The following GPC6 variants were observed in gnomAD, a reference collection of about 807,000 sequenced individuals.
GPC6 encodes the protein glypican 6.
A neutral mutation model predicts 55.2 loss-of-function variants in GPC6; 14 were observed. The observed-to-expected ratio is 0.25, with a 90% confidence interval of 0.17 to 0.40. GPC6 has a LOEUF of 0.40. GPC6 is among the 10% of genes least tolerant of loss of function. The pLI is 1.00. For synonymous variants in GPC6, 278 were observed against 259.6 expected, an observed-to-expected ratio of 1.07 and a Z score of -0.68; for missense variants, 641 against 708.5, an observed-to-expected ratio of 0.90 and a Z score of 1.08.
At chr13:93,488,092 T>A (rs554985492) in intron 1 of GPC6, among the ~76,000 whole-genome samples, 4 of 152,166 alleles carry the variant, frequency 2.6e-5, no homozygotes, top group Non-Finnish European at 5.9e-5. Flanking sequence ...TTACATTAGG[T>A]ATATCGCCTA....
intron 4 of GPC6, among the ~76,000 whole-genome samples, chr13:94,127,182 G>C (rs1200932299): frequency 2.0e-5 from 3 of 151,958 alleles, no homozygotes; most frequent in Non-Finnish European, 4.4e-5. Flanking sequence ...TTGAACCTAT[G>C]AAGGAGAGTT....
intron 1 of GPC6, among the ~76,000 whole-genome samples, chr13:93,388,327 A>T (rs1333771714): frequency 6.6e-6 from 1 of 152,176 alleles, no homozygotes; most frequent in Non-Finnish European, 1.5e-5. Flanking sequence ...GACCTGAAGC[A>T]TCTTTCTGGG....
chr13:93,738,957 ACACACACACACACACT>A (rs1884100639), intron 2 of GPC6, among the ~76,000 whole-genome samples: 1 of 151,456 alleles, frequency 6.6e-6, no homozygotes, highest in Non-Finnish European at 1.5e-5. Context: ...ACACACACAC[ACACACACACACACACT>A]CACACACATG....
intron 1 of GPC6, among the ~76,000 whole-genome samples, chr13:93,478,182 C>T (rs754894837): frequency 3.9e-5 from 6 of 152,028 alleles, no homozygotes; most frequent in East Asian, 3.9e-4. Context: ...TGCCCAGGCT[C>T]GGTGTTTTAA....
chr13:94,024,926 G>A (rs967989357), intron 3 of GPC6, among the ~76,000 whole-genome samples: 1 of 152,108 alleles, frequency 6.6e-6, no homozygotes, highest in Non-Finnish European at 1.5e-5. Context: ...GATTCAATAA[G>A]CACTTAACAA....
intron 1 of GPC6, among the ~76,000 whole-genome samples, chr13:93,319,535 T>C (rs1318604707): frequency 1.3e-5 from 2 of 151,998 alleles, no homozygotes; most frequent in Non-Finnish European, 2.9e-5. Context: ...AACTAAAACT[T>C]TGGAAGCAGG....
chr13:93,841,705 C>A (rs985616262), intron 3 of GPC6, among the ~76,000 whole-genome samples: 3 of 152,136 alleles, frequency 2.0e-5, no homozygotes. Flanking sequence ...CTTGCATACA[C>A]AGAATTTTTT....
intron 2 of GPC6, among the ~76,000 whole-genome samples, chr13:93,756,762 T>C (rs1884784087): frequency 6.6e-6 from 1 of 152,162 alleles, no homozygotes; most frequent in African/African-American, 2.4e-5. Flanking sequence ...TTCCCAATCT[T>C]TTCAGCTATA....
At chr13:93,420,717 G>T (rs755642538) in intron 1 of GPC6, among the ~76,000 whole-genome samples, 2 of 152,098 alleles carry the variant, frequency 1.3e-5, no homozygotes, top group Non-Finnish European at 2.9e-5. Context: ...AAAATATACT[G>T]GTTCAGTTAT....
chr13:93,239,849 G>GA (rs2139013698), intron 1 of GPC6, among the ~76,000 whole-genome samples: 1 of 151,808 alleles, frequency 6.6e-6, no homozygotes, highest in African/African-American at 2.4e-5. Context: ...CATTCATTTT[G>GA]AAAAAATTAT....
intron 1 of GPC6, among the ~76,000 whole-genome samples, chr13:93,512,655 A>G (rs1331165270): frequency 1.3e-5 from 2 of 152,064 alleles, no homozygotes; most frequent in African/African-American, 4.8e-5. Context: ...ATTGGTTATC[A>G]GGGTGATGCT....
Position 94,103,232 on chromosome 13 carries a change from C to A in GPC6, c.877+75338C>A, listed in dbSNP as rs185478695. Among the ~76,000 whole-genome samples, 611 of 152,270 alleles carry A rather than the reference C, an allele frequency of 4.0e-3. 3 individuals are homozygous for A. Among genetic ancestry groups the A allele is most frequent in the Middle Eastern group, 0.017 (5 of 292 alleles). On this transcript the variant is annotated intron_variant, in intron 4 of 8. Coordinates refer to ENST00000377047, the MANE Select transcript of GPC6 (RefSeq NM_005708.5). The stretch of plus-strand genomic sequence containing the variant: ...GACATGAACTCATCCTTTTTTATGG[C>A]TGCATAGTATTCCATGGTGTATATG...
At chr13:93,856,715 G>A (rs1374898532) in intron 3 of GPC6, among the ~76,000 whole-genome samples, 3 of 151,580 alleles carry the variant, frequency 2.0e-5, no homozygotes, top group South Asian at 2.1e-4. Context: ...AACTGTGGTG[G>A]ACATGTTTGA....
At position 94,354,854 on chromosome 13, in the gene GPC6, G is replaced by A. The variant is rs185898703; in HGVS notation, c.1153-27560G>A. On this transcript the variant is annotated intron_variant, in intron 6 of 8. Coordinates refer to ENST00000377047, the MANE Select transcript of GPC6 (RefSeq NM_005708.5). ...ATTCAGCCCATGCTGTGATGATGATGGTGGTGGGGATGACGGTGATGATGA... is the reference window on the plus strand; with the variant it reads ...ATTCAGCCCATGCTGTGATGATGATAGTGGTGGGGATGACGGTGATGATGA... 2.5e-3 allele frequency among the ~76,000 whole-genome samples: 374 copies of A among 152,334 alleles called. 5 individuals carry two copies. Among genetic ancestry groups the A allele is most frequent in the African/African-American group, 8.6e-3 (356 of 41,570 alleles).
At chr13:93,464,931 TAGC>T (rs1878850171) in intron 1 of GPC6, among the ~76,000 whole-genome samples, 2 of 152,212 alleles carry the variant, frequency 1.3e-5, no homozygotes, top group Admixed American at 6.5e-5. Context: ...GATATTGTGT[TAGC>T]AGGAATCAAA....
intron 4 of GPC6, among the ~76,000 whole-genome samples, chr13:94,279,456 G>A (rs148709034): frequency 4.0e-5 from 6 of 150,330 alleles, no homozygotes; most frequent in South Asian, 2.1e-4. Flanking sequence ...ATTCTGCCCC[G>A]ATCTTAGTTA....
intron 3 of GPC6, among the ~76,000 whole-genome samples, chr13:93,885,938 A>C (rs1875297904): frequency 6.6e-6 from 1 of 152,134 alleles, no homozygotes; most frequent in South Asian, 2.1e-4. Context: ...TGGTATATTC[A>C]GTAAATTTGC....
rs1881376785 is a variant in GPC6 at position 94,406,561 on chromosome 13, A to G, written c.*3344A>G. 6.6e-6 allele frequency: 1 copy of G among 152,202 alleles called. No individual in the cohort carries two copies. Among genetic ancestry groups the G allele is most frequent in the African/African-American group, 2.4e-5 (1 of 41,478 alleles). 9.4% of individuals were successfully genotyped at this position (152,202 alleles called of 1,614,324 possible). On this transcript the variant is annotated 3_prime_UTR_variant, in exon 9 of 9. Transcript: ENST00000377047. ...TTTGTCTACACTGAAAAACATTATT[A>G]TTCATTGATAAGTAGTAATAATTAT...
At chr13:94,277,543 C>T (rs926056878) in intron 4 of GPC6, among the ~76,000 whole-genome samples, 5 of 151,992 alleles carry the variant, frequency 3.3e-5, no homozygotes, top group South Asian at 2.1e-4. Context: ...AGATTTTCTT[C>T]GGGGGTTTTT....
Sources: allele counts gnomAD v4.1 joint callset (sites outside exome capture counted in the v4.1 genomes callset), GRCh38; gene constraint gnomAD v4.1.1; transcripts MANE v1.5; gene names NCBI Gene and HGNC (gene_info 2026-07-23, HGNC 2026-07-21).